MTUS2: variants seen among roughly 807,000 people sequenced by gnomAD.
MTUS2 encodes the protein microtubule-associated tumor suppressor candidate 2.
MTUS2 carries 40 observed loss-of-function variants against 114.1 expected under a neutral mutation model. That is an observed-to-expected ratio of 0.35 (90% CI 0.27 to 0.46). The LOEUF is 0.46. Among genes scored for constraint, MTUS2 ranks in the 20% least tolerant of loss-of-function variants. The pLI, the probability that MTUS2 is intolerant of heterozygous loss-of-function variation, is 1.00. For synonymous variants in MTUS2, 688 were observed against 672.0 expected, an observed-to-expected ratio of 1.02 and a Z score of -0.37; for missense variants, 1,679 against 1,705.4, an observed-to-expected ratio of 0.98 and a Z score of 0.27.
chr13:28,891,509 C>G (rs1878921061), intron 2 of MTUS2, among the ~76,000 whole-genome samples: 1 of 152,096 alleles, frequency 6.6e-6, no homozygotes, highest in Non-Finnish European at 1.5e-5. Context: ...GAGGGAGGAG[C>G]TTTGTAAATG....
At chr13:29,008,981 G>T (rs1448781921) in intron 2 of MTUS2, among the ~76,000 whole-genome samples, 1 of 150,920 alleles carries the variant, frequency 6.6e-6, no homozygotes, top group Non-Finnish European at 1.5e-5. Flanking sequence ...GAGCTCCTAG[G>T]TTGATCATCT....
intron 2 of MTUS2, among the ~76,000 whole-genome samples, chr13:28,864,245 A>G (rs1377516347): frequency 6.6e-6 from 1 of 152,234 alleles, no homozygotes; most frequent in Non-Finnish European, 1.5e-5. Flanking sequence ...TTGTGAGTTC[A>G]TACTATAAAG....
intron 2 of MTUS2, among the ~76,000 whole-genome samples, chr13:28,968,012 TA>T (rs572575588): frequency 6.6e-6 from 1 of 152,212 alleles, no homozygotes; most frequent in Non-Finnish European, 1.5e-5. Context: ...ATGCAATAGA[TA>T]AAAATTATTC....
chr13:28,829,286 GA>G (rs1182715956), intron 1 of MTUS2, among the ~76,000 whole-genome samples: 3 of 152,134 alleles, frequency 2.0e-5, no homozygotes, highest in Non-Finnish European at 4.4e-5. Context: ...AGCACTTAGA[GA>G]GGCTGAGACA....
At chr13:29,082,967 T>G (rs1889513238) in intron 4 of MTUS2, among the ~76,000 whole-genome samples, 1 of 152,036 alleles carries the variant, frequency 6.6e-6, no homozygotes, top group African/African-American at 2.4e-5. Context: ...TTGGACAGAT[T>G]CTAGAGGCGG....
rs144121727 is a variant in MTUS2, at chr13:29,063,365, A to G, written c.2446+29240A>G. ...AAGCATAATGTTTTTGTGTCAGACT[A>G]TGCAACCTGAAAGAACTGTAATATT... is the stretch of plus-strand genomic sequence containing the variant. On this transcript the variant is annotated intron_variant, in intron 4 of 15. Coordinates refer to ENST00000612955, the MANE Select transcript of MTUS2 (RefSeq NM_001033602.4). Among the ~76,000 whole-genome samples, 3 of 152,316 alleles carry G rather than the reference A, an allele frequency of 2.0e-5. No individual in the cohort carries two copies. In the East Asian group the frequency reaches 5.8e-4, roughly 29 times the overall value.
At chr13:29,253,879 A>G (rs1238502999) in intron 5 of MTUS2, among the ~76,000 whole-genome samples, 1 of 152,156 alleles carries the variant, frequency 6.6e-6, no homozygotes, top group East Asian at 1.9e-4. Flanking sequence ...TAAAACCATC[A>G]GATTTCATGA....
At chr13:29,178,451 A>C (rs550499941) in intron 5 of MTUS2, among the ~76,000 whole-genome samples, 19 of 152,152 alleles carry the variant, frequency 1.2e-4, no homozygotes, top group African/African-American at 4.6e-4. Flanking sequence ...TTATGGTCTA[A>C]AGCAGAGTTT....
At chr13:29,214,824 G>T (rs1380213150) in intron 5 of MTUS2, among the ~76,000 whole-genome samples, 1 of 152,158 alleles carries the variant, frequency 6.6e-6, no homozygotes, top group African/African-American at 2.4e-5. Context: ...TGGTGAATCT[G>T]ATGATTATGT....
chr13:29,350,274 C>T (rs540971804), intron 7 of MTUS2, among the ~76,000 whole-genome samples: 7 of 150,946 alleles, frequency 4.6e-5, no homozygotes, highest in South Asian at 4.2e-4. Flanking sequence ...GCTGGAGGCT[C>T]GGGAGAAATA....
chr13:29,447,145 C>A (rs1441913836), intron 9 of MTUS2, among the ~76,000 whole-genome samples: 1 of 152,036 alleles, frequency 6.6e-6, no homozygotes. Context: ...ATGTGAAATG[C>A]TTCTGGTGCC....
chr13:29,338,455 C>T (rs552635177), intron 7 of MTUS2, among the ~76,000 whole-genome samples: 18 of 151,958 alleles, frequency 1.2e-4, no homozygotes, highest in South Asian at 4.2e-4. Flanking sequence ...CTGGGCGTGG[C>T]GGCGTGAGCC....
chr13:29,302,832 A>T (rs765935459), intron 6 of MTUS2, among the ~76,000 whole-genome samples: 1 of 152,232 alleles, frequency 6.6e-6, no homozygotes, highest in Non-Finnish European at 1.5e-5. Context: ...TGGATCCCTG[A>T]TACCATTCCT....
chr13:28,939,593 T>C (rs1882109677), intron 2 of MTUS2, among the ~76,000 whole-genome samples: 1 of 152,194 alleles, frequency 6.6e-6, no homozygotes, highest in South Asian at 2.1e-4. Flanking sequence ...AAATAATTTT[T>C]CATTAGTTAT....
intron 5 of MTUS2, among the ~76,000 whole-genome samples, chr13:29,234,807 C>G (rs761654291): frequency 5.9e-5 from 9 of 152,134 alleles, no homozygotes; most frequent in Non-Finnish European, 1.3e-4. Flanking sequence ...TTCAACATGG[C>G]CTTTGGATAT....
At chr13:29,095,708 A>G (rs1461868974) in intron 4 of MTUS2, among the ~76,000 whole-genome samples, 1 of 86,082 alleles carries the variant, frequency 1.2e-5, no homozygotes, top group East Asian at 3.1e-4. Flanking sequence ...GTATTGATCT[A>G]TCTTCAAGTT....
chr13:29,042,316 G>C (rs375252364), intron 4 of MTUS2, among the ~76,000 whole-genome samples: 7 of 152,066 alleles, frequency 4.6e-5, no homozygotes, highest in Admixed American at 1.3e-4. Context: ...ACTATGAAAC[G>C]CACTTGATCA....
At chr13:29,241,855 GC>G (rs748954748) in intron 5 of MTUS2, among the ~76,000 whole-genome samples, 7 of 152,072 alleles carry the variant, frequency 4.6e-5, no homozygotes, top group Non-Finnish European at 1.0e-4. Flanking sequence ...ACCTTAGAAA[GC>G]CTTGCCCATT....
intron 2 of MTUS2, among the ~76,000 whole-genome samples, chr13:28,992,802 T>C (rs1884921458): frequency 1.3e-5 from 2 of 152,174 alleles, no homozygotes; most frequent in African/African-American, 4.8e-5. Context: ...TTAGTGGCAT[T>C]AACTACATTG....
Sources: gnomAD v4.1 joint callset for allele counts (sites outside exome capture counted in the v4.1 genomes callset) on GRCh38, gnomAD v4.1.1 for gene constraint, MANE v1.5 for transcripts, NCBI Gene and HGNC (gene_info 2026-07-23, HGNC 2026-07-21) for gene names.